The following MTMR6 variants were observed in gnomAD, a reference collection of about 807,000 sequenced individuals.
MTMR6 encodes myotubularin related protein 6.
A neutral mutation model predicts 80.1 loss-of-function variants in MTMR6; 47 were observed. The observed-to-expected ratio is 0.59, with a 90% CI of 0.46 to 0.75. The LOEUF (loss-of-function observed/expected upper bound fraction) is 0.75, where lower values mean the gene tolerates loss of function less well. MTMR6 is among the 30% of genes least tolerant of loss of function. The pLI is 0.00. For synonymous variants in MTMR6, 254 were observed against 253.0 expected (o/e 1.00, Z -0.04); for missense variants, 629 against 730.9 (o/e 0.86, Z 1.61).
At chr13:25,254,512 T>G in intron 9 of MTMR6, 78 bp from the exon 10 acceptor site, 1 of 969,854 alleles carries the variant, frequency 1.0e-6, no homozygotes, top group Admixed American at 2.3e-5. Flanking sequence ...CTTATTAGTT[T>G]AAAAACAGTA....
At chr13:25,274,943 C>G (rs9551191) in intron 1 of MTMR6, among the ~76,000 whole-genome samples, 2,452 of 46,492 alleles carry the variant, frequency 0.053, 59 homozygotes, top group Middle Eastern at 0.11. Context: ...TAGACAGACA[C>G]ACACACACAC....
In MTMR6 at chr13:25,249,126, A is replaced by G. The variant is rs979348661; in HGVS notation, c.*106T>C. The G allele has an allele frequency of 5.6e-6, 7 of 1,251,206 alleles. No homozygotes were observed. The highest frequency in any genetic ancestry group is 6.6e-6 in the Non-Finnish European group (6 of 905,326). The allele number at this position is 1,251,206 out of a possible 1,614,324, so 77.5% of individuals were successfully genotyped here. On this transcript the variant is annotated 3_prime_UTR_variant, in exon 14 of 14. Transcript: ENST00000381801. ...CCTTCAACTATTAGCCTACTGTTAA[A>G]CCCTAAAATTGTTATTAGACAAATT...
rs1453813241 is a variant in MTMR6, at chr13:25,253,809, A to G, written c.1301T>C (p.Phe434Ser). 6.2e-7 allele frequency: 1 copy of G among 1,614,134 alleles called. No homozygotes were observed. Among genetic ancestry groups the G allele is most frequent in the Non-Finnish European group, 8.5e-7 (1 of 1,180,010 alleles). The stretch of plus-strand genomic sequence containing the variant: ...CTGACAATTTCCAAGGAAGTTTCCA[A>G]ACTGGCATGAATGAATATGCTCATG... ...QIHEHIHSCQ[F>S]GNFLGNCQKE... is the part of the protein sequence containing the mutation. The change falls in exon 11 of 14, where the codon TTT (phenylalanine) becomes TCT (serine). Residue 434 changes from phenylalanine (F) to serine (S), a missense_variant. Physicochemically the swap from Phe to Ser is radical, Grantham distance 155. Transcript: ENST00000381801.
At chr13:25,259,823 T>G (rs755573787) in intron 6 of MTMR6, among the ~76,000 whole-genome samples, 2 of 152,132 alleles carry the variant, frequency 1.3e-5, no homozygotes, top group Non-Finnish European at 2.9e-5. Flanking sequence ...CAACTCCTAA[T>G]AAAGTCTTTT....
Position 25,258,667 on chromosome 13 carries a change from G to A in MTMR6, c.752C>T (p.Ala251Val). The change falls in exon 7 of 14, where the codon GCT becomes GTT. Residue 251 changes from alanine to valine, a missense_variant. Ala to Val is a moderately conservative substitution (Grantham distance 64, BLOSUM62 0). Transcript: ENST00000381801. Reference sequence around the variant, plus strand: ...GTCTTCATTTTCATAACCTTTTCCAGCTGCTCTGTTGGCCATTGCATTCAG... The same window carrying A: ...GTCTTCATTTTCATAACCTTTTCCAACTGCTCTGTTGGCCATTGCATTCAG... ...PKLNAMANRAAGKGYENEDNY... is the reference protein window; with the variant it reads ...PKLNAMANRAVGKGYENEDNY... The A allele has an allele frequency of 5.0e-6, 8 of 1,584,974 alleles. No homozygotes were observed. Among genetic ancestry groups the A allele is most frequent in the Non-Finnish European group, 6.8e-6 (8 of 1,171,606 alleles).
Position 25,254,105 on chromosome 13 carries a change from TTA to T in MTMR6, c.1146-143_1146-142del. On this transcript the variant is annotated intron_variant, in intron 10 of 13. Coordinates refer to ENST00000381801, the MANE Select transcript of MTMR6 (RefSeq NM_004685.5). ...AAACTAGAATTTTTATTGAAACCAT[TTA>T]TGAGTTTTTAAACCACAGCTTTAAA... 9.0e-6 allele frequency: 8 copies of T among 889,318 alleles called. 1 individual carries two copies. The South Asian group carries it at 1.5e-4, about 16-fold the overall frequency. The allele number at this position is 889,318 out of a possible 1,614,324, so 55.1% of individuals were successfully genotyped here.
intron 9 of MTMR6, among the ~76,000 whole-genome samples, chr13:25,254,902 A>G (rs1425474800): frequency 6.6e-6 from 1 of 152,150 alleles, no homozygotes; most frequent in Non-Finnish European, 1.5e-5. Context: ...AAAAAAAACT[A>G]ATGATAAAAA....
chr13:25,279,318 T>G (rs928380755), intron 1 of MTMR6, among the ~76,000 whole-genome samples: 2 of 152,094 alleles, frequency 1.3e-5, no homozygotes, highest in African/African-American at 4.8e-5. Flanking sequence ...CCCTTTGCTC[T>G]CTCTCTCTCC....
Position 25,267,931 on chromosome 13 carries a change from T to C in MTMR6, c.152A>G (p.His51Arg). ...SHQKETWILH[H>R]HIASVEKLAL... ...AAGTTTCTCTACTGAGGCAATATGG[T>C]GGTGTAATATCTACAGCATGAAAAA... Residue 51 changes from histidine to arginine, a missense_variant, in exon 3 of 14, where the codon CAC (histidine) becomes CGC (arginine). Transcript: ENST00000381801. 5 of 1,606,894 alleles carry C rather than the reference T, an allele frequency of 3.1e-6. No homozygotes were observed. The highest frequency in any genetic ancestry group is 4.2e-6 in the Non-Finnish European group (5 of 1,176,868).
chr13:25,264,680 G>A (rs1360028733), intron 5 of MTMR6, among the ~76,000 whole-genome samples: 1 of 150,202 alleles, frequency 6.7e-6, no homozygotes, highest in African/African-American at 2.4e-5. Flanking sequence ...GCTTGAACCC[G>A]GGAGGTGGAG....
chr13:25,279,848 A>T (rs970991833), intron 1 of MTMR6, among the ~76,000 whole-genome samples: 3 of 152,196 alleles, frequency 2.0e-5, no homozygotes, highest in African/African-American at 7.2e-5. Context: ...TGAAAAAAAA[A>T]CCATATGTTA....
chr13:25,259,512 T>A (rs1957286237), intron 6 of MTMR6, among the ~76,000 whole-genome samples: 1 of 152,208 alleles, frequency 6.6e-6, no homozygotes, highest in Non-Finnish European at 1.5e-5. Context: ...ACAAGTACAG[T>A]TAAATTGTAT....
rs779932849 is a variant in MTMR6 at position 25,249,344 on chromosome 13, A to G, written c.1754T>C (p.Ile585Thr). Residue 585 changes from isoleucine to threonine, a missense_variant, in exon 14 of 14, where the codon ATA becomes ACA. Physicochemically the swap from Ile to Thr is moderately conservative, Grantham distance 89. Transcript: ENST00000381801. Reference protein sequence around the residue: ...LLPVNDALRTIEGSSPADNRY... With the variant: ...LLPVNDALRTTEGSSPADNRY... ...ATTATCTGCCGGGCTGCTGCCCTCT[A>G]TAGTTCGAAGAGCATCATTTACGGG... The G allele has an allele frequency of 1.9e-6, 3 of 1,614,114 alleles. No homozygotes were observed. Among genetic ancestry groups the G allele is most frequent in the South Asian group, 2.2e-5 (2 of 91,084 alleles).
chr13:25,282,459 C>G (rs1227449923), intron 1 of MTMR6, among the ~76,000 whole-genome samples: 1 of 152,052 alleles, frequency 6.6e-6, no homozygotes, highest in Non-Finnish European at 1.5e-5. Context: ...GTGCCTGGCC[C>G]AAGGAGGAGG....
At chr13:25,261,644 C>T (rs199921414) in intron 6 of MTMR6, 24 bp downstream of exon 6, 7 of 1,564,816 alleles carry the variant, frequency 4.5e-6, no homozygotes, top group African/African-American at 1.4e-5. Context: ...AACTAGCAGA[C>T]TGTACTGTAT....
chr13:25,276,481 T>G (rs1015654128), intron 1 of MTMR6, among the ~76,000 whole-genome samples: 5 of 152,230 alleles, frequency 3.3e-5, no homozygotes, highest in Non-Finnish European at 7.3e-5. Flanking sequence ...AATTTTAAAT[T>G]TGTGGATTTT....
At chr13:25,270,034 T>C (rs1249590566) in intron 2 of MTMR6, among the ~76,000 whole-genome samples, 1 of 152,224 alleles carries the variant, frequency 6.6e-6, no homozygotes, top group Non-Finnish European at 1.5e-5. Context: ...TTAAAGATTT[T>C]GGTATATTTG....
intron 9 of MTMR6, among the ~76,000 whole-genome samples, chr13:25,256,332 G>A (rs758969505): frequency 2.0e-5 from 3 of 152,212 alleles, no homozygotes; most frequent in Non-Finnish European, 2.9e-5. Context: ...ATTCCTTATC[G>A]TACACTCTCA....
At chr13:25,281,232 G>A (rs752287560) in intron 1 of MTMR6, among the ~76,000 whole-genome samples, 52 of 152,266 alleles carry the variant, frequency 3.4e-4, no homozygotes, top group Non-Finnish European at 6.8e-4. Flanking sequence ...AGCTACTTGG[G>A]AGGTAAAGGC....
Sources: gnomAD v4.1 joint callset for allele counts (sites outside exome capture counted in the v4.1 genomes callset) on GRCh38, gnomAD v4.1.1 for gene constraint, MANE v1.5 for transcripts, NCBI Gene and HGNC (gene_info 2026-07-23, HGNC 2026-07-21) for gene names.